Variants in MTMR3 observed in about 807,000 individuals in gnomAD.
The protein encoded by MTMR3 is myotubularin related protein 3, also known as phosphatidylinositol-3,5-bisphosphate 3-phosphatase MTMR3.
MTMR3 carries 32 observed loss-of-function variants against 132.4 expected under a neutral mutation model. The observed-to-expected ratio is 0.24, with a 90% CI of 0.18 to 0.32. The LOEUF (loss-of-function observed/expected upper bound fraction) is 0.32, where lower values mean the gene tolerates loss of function less well. MTMR3 is among the 10% of genes least tolerant of loss of function. MTMR3 has a pLI of 1.00. For missense variants in MTMR3, 1,216 were observed against 1,489.6 expected (o/e 0.82, Z 3.02); for synonymous variants, 556 against 550.3 (o/e 1.01, Z -0.14).
chr22:29,901,752 A>T (rs2065005638), intron 1 of MTMR3, among the ~76,000 whole-genome samples: 1 of 152,100 alleles, frequency 6.6e-6, no homozygotes, highest in African/African-American at 2.4e-5. Flanking sequence ...AGGTCTTGTT[A>T]TATTGCCTAT....
intron 4 of MTMR3, 65 bp downstream of exon 4, chr22:29,978,596 G>A: frequency 7.9e-7 from 1 of 1,261,506 alleles, no homozygotes; most frequent in Non-Finnish European, 1.1e-6. Context: ...CAGAGTTAAT[G>A]GATTTAAGTG....
chr22:29,935,719 A>T (rs115758385), intron 1 of MTMR3, among the ~76,000 whole-genome samples: 1,568 of 150,208 alleles, frequency 0.01, 32 homozygotes, highest in African/African-American at 0.037. Context: ...GTCTGATTGA[A>T]TGATCTCTTC....
At chr22:29,958,842 C>T (rs1402830005) in intron 2 of MTMR3, among the ~76,000 whole-genome samples, 2 of 152,218 alleles carry the variant, frequency 1.3e-5, no homozygotes, top group African/African-American at 4.8e-5. Context: ...CCAATGCCTT[C>T]TCAGTATAAA....
chr22:30,012,608 A>G, intron 13 of MTMR3, 45 bp downstream of exon 13: 1 of 1,537,882 alleles, frequency 6.5e-7, no homozygotes, highest in Non-Finnish European at 8.8e-7. Flanking sequence ...AGGATGAGCC[A>G]GGGAAACGTC....
chr22:29,991,734 T>C (rs2066965197), intron 7 of MTMR3, 64 bp downstream of exon 7: 4 of 1,466,032 alleles, frequency 2.7e-6, no homozygotes, highest in Non-Finnish European at 3.6e-6. Flanking sequence ...GAGGTACTTT[T>C]AACATGAAAT....
intron 1 of MTMR3, among the ~76,000 whole-genome samples, chr22:29,886,450 T>C (rs1382416632): frequency 6.6e-6 from 1 of 152,226 alleles, no homozygotes; most frequent in Non-Finnish European, 1.5e-5. Context: ...AGTTCTGGAT[T>C]GACAGACATA....
chr22:29,885,188 CTG>C (rs1260689089), intron 1 of MTMR3, among the ~76,000 whole-genome samples: 1 of 152,162 alleles, frequency 6.6e-6, no homozygotes, highest in East Asian at 1.9e-4. Flanking sequence ...ATTAAAATCT[CTG>C]AGGATAGAGC....
chr22:29,970,963 C>T lies in MTMR3; in HGVS notation c.-84-13C>T. The T allele has an allele frequency of 5.1e-6, 4 of 786,904 alleles. No homozygotes were observed. The highest frequency in any genetic ancestry group is 4.1e-5 in the East Asian group (1 of 24,120). 48.7% of individuals were successfully genotyped at this position (786,904 alleles called of 1,614,324 possible). A position where few individuals can be genotyped will look rare whatever the true frequency, so the allele number is the denominator to read the frequency against. The stretch of plus-strand genomic sequence containing the variant: ...TTTTTTTTCTTCTTCCCCCTCTTCC[C>T]CCCCACCCCCAGACTTCACCATAAG... On this transcript the variant is annotated splice_polypyrimidine_tract_variant and intron_variant, in intron 2 of 19. Transcript: ENST00000401950.
At chr22:29,941,759 G>T (rs997674292) in intron 1 of MTMR3, among the ~76,000 whole-genome samples, 1 of 152,116 alleles carries the variant, frequency 6.6e-6, no homozygotes, top group Non-Finnish European at 1.5e-5. Context: ...GGGAAAATAT[G>T]TATGACATTT....
chr22:30,025,881 C>T lies in MTMR3; in HGVS notation c.*80C>T, dbSNP rs900803896. 33 of 1,497,848 alleles carry T rather than the reference C, an allele frequency of 2.2e-5. No individual in the cohort carries two copies. The highest frequency in any genetic ancestry group is 4.7e-4 in the Middle Eastern group (2 of 4,286). 92.8% of individuals were successfully genotyped at this position (1,497,848 alleles called of 1,614,324 possible). A position where few individuals can be genotyped will look rare whatever the true frequency, so the allele number is the denominator to read the frequency against. The stretch of plus-strand genomic sequence containing the variant: ...CTCAACCTGGGCAGACCGAGAGGCC[C>T]GTGCACTTTGGAATGGGAGCGTGGA... On this transcript the variant is annotated 3_prime_UTR_variant, in exon 20 of 20. Transcript: ENST00000401950.
intron 1 of MTMR3, among the ~76,000 whole-genome samples, chr22:29,945,111 C>T (rs1401432651): frequency 2.6e-5 from 4 of 152,116 alleles, no homozygotes; most frequent in Non-Finnish European, 5.9e-5. Flanking sequence ...CTCCTGGACT[C>T]GAGTGATTCT....
At chr22:30,012,105 C>T (rs1448037662) in intron 12 of MTMR3, 6 of 338,390 alleles carry the variant, frequency 1.8e-5, no homozygotes, top group South Asian at 9.8e-5. Context: ...ATATTTTGCC[C>T]GGGGAATCAT....
intron 2 of MTMR3, among the ~76,000 whole-genome samples, chr22:29,966,794 A>G (rs1311037393): frequency 1.3e-5 from 2 of 150,216 alleles, no homozygotes; most frequent in Non-Finnish European, 3.0e-5. Flanking sequence ...TGTGTGTGAG[A>G]GAGAGAATGT....
In MTMR3 at chr22:30,029,154, G is replaced by A. The variant is rs1399658964; in HGVS notation, c.*3353G>A. 6.6e-6 allele frequency: 1 copy of A among 152,330 alleles called. No individual in the cohort carries two copies. The highest frequency in any genetic ancestry group is 1.5e-5 in the Non-Finnish European group (1 of 68,034). The allele number at this position is 152,330 out of a possible 1,614,324, so 9.4% of individuals were successfully genotyped here. A position where few individuals can be genotyped will look rare whatever the true frequency, so the allele number is the denominator to read the frequency against. ...ATATGGAGAAAGGCAGTTCTCTGTG[G>A]GCAAGGCCAGCTTGCTTCAGGCTGT... On this transcript the variant is annotated 3_prime_UTR_variant, in exon 20 of 20. Transcript: ENST00000401950.
At chr22:29,922,004 C>T (rs2065425835) in intron 1 of MTMR3, among the ~76,000 whole-genome samples, 2 of 151,630 alleles carry the variant, frequency 1.3e-5, no homozygotes, top group African/African-American at 2.4e-5. Flanking sequence ...TATGCGGCAC[C>T]ACACCAGCTA....
chr22:29,991,930 T>C (rs2066969251), intron 7 of MTMR3: 1 of 293,940 alleles, frequency 3.4e-6, no homozygotes, highest in Middle Eastern at 9.2e-4. Context: ...ATGAATAGTA[T>C]GGAAGCCTGA....
intron 3 of MTMR3, among the ~76,000 whole-genome samples, chr22:29,975,798 G>A (rs528632495): frequency 6.6e-6 from 1 of 152,274 alleles, no homozygotes; most frequent in South Asian, 2.1e-4. Context: ...TAGAGATGGT[G>A]TCTCACCATG....
intron 1 of MTMR3, among the ~76,000 whole-genome samples, chr22:29,950,001 C>T (rs2066042660): frequency 6.6e-6 from 1 of 152,164 alleles, no homozygotes; most frequent in Admixed American, 6.5e-5. Flanking sequence ...CTTTCCTCTT[C>T]ACCAGAGGTT....
At chr22:30,006,588 C>G (rs1158204896) in intron 9 of MTMR3, 1 of 154,622 alleles carries the variant, frequency 6.5e-6, no homozygotes. Context: ...CTTGCTCTGT[C>G]ACCCAAGCTG....
Sources: allele counts gnomAD v4.1 joint callset (sites outside exome capture counted in the v4.1 genomes callset), GRCh38; gene constraint gnomAD v4.1.1; transcripts MANE v1.5; gene names NCBI Gene and HGNC (gene_info 2026-07-23, HGNC 2026-07-21).